The following CLASP2 variants were observed in gnomAD, a reference collection of about 807,000 sequenced individuals.
CLASP2 encodes the protein cytoplasmic linker associated protein 2.
In CLASP2, 47 loss-of-function variants were observed where a neutral mutation model predicts 194.4. The ratio of observed to expected loss-of-function variants is 0.24; its 90% confidence interval spans 0.19 to 0.31. The LOEUF (loss-of-function observed/expected upper bound fraction) is 0.31, where lower values mean the gene tolerates loss of function less well. Among genes scored for constraint, CLASP2 ranks in the 10% least tolerant of loss-of-function variants. The probability of loss-of-function intolerance (pLI) is 1.00; values close to 1 mark genes in which losing one functional copy is unlikely to be tolerated. For synonymous variants in CLASP2, 619 were observed against 633.5 expected (o/e 0.98, Z 0.34); for missense variants, 1,445 against 1,823.6 (o/e 0.79, Z 3.78).
chr3:33,603,432 G>C (rs2072850852), intron 17 of CLASP2, among the ~76,000 whole-genome samples: 1 of 152,204 alleles, frequency 6.6e-6, no homozygotes, highest in Non-Finnish European at 1.5e-5. Flanking sequence ...GTTTAGGACT[G>C]ATTTGTGCAA....
rs2045901214 is a variant in CLASP2 at position 33,497,159 on chromosome 3, G to A, written c.*1472C>T. Reference sequence around the variant, plus strand: ...CTGCTGCTAGAACAGAAAGAAAGGGGAAAGCCTATGACAAATCATCCATTC... The same window carrying A: ...CTGCTGCTAGAACAGAAAGAAAGGGAAAAGCCTATGACAAATCATCCATTC... On this transcript the variant is annotated 3_prime_UTR_variant, in exon 39 of 39. Coordinates refer to ENST00000682230, the MANE Select transcript of CLASP2 (RefSeq NM_001365631.1). 6.6e-6 allele frequency: 1 copy of A among 152,514 alleles called. No individual in the cohort carries two copies. Among genetic ancestry groups the A allele is most frequent in the Admixed American group, 6.6e-5 (1 of 15,262 alleles). 9.4% of individuals were successfully genotyped at this position (152,514 alleles called of 1,614,324 possible). A position where few individuals can be genotyped will look rare whatever the true frequency, so the allele number is the denominator to read the frequency against.
chr3:33,616,440 C>T (rs2076176002), intron 12 of CLASP2, among the ~76,000 whole-genome samples: 1 of 151,818 alleles, frequency 6.6e-6, no homozygotes, highest in Non-Finnish European at 1.5e-5. Flanking sequence ...CTTAGCCAAC[C>T]GAATCTAGCA....
At chr3:33,677,800 T>C (rs2089053779) in intron 6 of CLASP2, among the ~76,000 whole-genome samples, 1 of 150,488 alleles carries the variant, frequency 6.6e-6, no homozygotes, top group Admixed American at 6.6e-5. Flanking sequence ...ATAAAAAATT[T>C]ATCTAAAGTT....
chr3:33,545,605 C>T (rs2059034184), intron 30 of CLASP2, among the ~76,000 whole-genome samples: 1 of 152,138 alleles, frequency 6.6e-6, no homozygotes, highest in Non-Finnish European at 1.5e-5. Flanking sequence ...CTATTATACA[C>T]TGCTGAAGAA....
In CLASP2 at chr3:33,607,410, G is replaced by C; in HGVS notation, c.1500C>G (p.Asp500Glu). The change falls in exon 15 of 39, where the codon GAC becomes GAG. Residue 500 changes from aspartate to glutamate, a missense_variant. Around this residue, in one of 4 missense-constraint regions of CLASP2, gnomAD observed 207 missense variants for 331.4 expected, o/e 0.62. Transcript: ENST00000682230. The part of the protein sequence containing the change: ...ETIKKGIHDA[D>E]AEARVEARKT... ...TTCTTGCCTCCACTCTGGCCTCAGC[G>C]TCAGCATCATGAATTCCCTTTTTAA... 1 of 1,610,696 alleles carries C rather than the reference G, an allele frequency of 6.2e-7. No homozygotes were observed. The highest frequency in any genetic ancestry group is 8.5e-7 in the Non-Finnish European group (1 of 1,178,662).
At chr3:33,656,083 T>G (rs911356230) in intron 7 of CLASP2, among the ~76,000 whole-genome samples, 2 of 152,290 alleles carry the variant, frequency 1.3e-5, no homozygotes, top group African/African-American at 2.4e-5. Flanking sequence ...ATCTGACTAC[T>G]TGATTTAATA....
intron 32 of CLASP2, among the ~76,000 whole-genome samples, chr3:33,540,232 A>ATTTTT (rs11398038): frequency 8.2e-6 from 1 of 122,104 alleles, no homozygotes. Context: ...GACTGGCCAA[A>ATTTTT]TTTTTTTTTT....
intron 1 of CLASP2, among the ~76,000 whole-genome samples, chr3:33,698,977 G>A (rs1484032587): frequency 5.3e-5 from 8 of 152,146 alleles, no homozygotes; most frequent in Non-Finnish European, 1.2e-4. Context: ...AGTTAAAAGA[G>A]CCAACAACAT....
chr3:33,535,592 T>G (rs1321500262), intron 33 of CLASP2, 131 bp from the exon 34 acceptor site: 5 of 684,532 alleles, frequency 7.3e-6, no homozygotes, highest in Non-Finnish European at 1.2e-5. Context: ...CTAAAAAATT[T>G]AAGTAATGGC....
At chr3:33,700,745 G>A (rs2092319755) in intron 1 of CLASP2, among the ~76,000 whole-genome samples, 1 of 152,162 alleles carries the variant, frequency 6.6e-6, no homozygotes, top group Non-Finnish European at 1.5e-5. Flanking sequence ...AGCTACTCGG[G>A]AGGCCGAGGC....
rs973795682 is a variant in CLASP2 at position 33,717,926 on chromosome 3, T to C, written c.77A>G (p.Gln26Arg). 3.2e-6 allele frequency: 5 copies of C among 1,550,696 alleles called. No individual in the cohort carries two copies. In the South Asian group the frequency reaches 4.8e-5, roughly 15 times the overall value. Residue 26 changes from glutamine (Q) to arginine (R), a missense_variant, in exon 1 of 39, where the codon CAG becomes CGG. Physicochemically the swap from Gln to Arg is conservative, Grantham distance 43. Coordinates refer to ENST00000682230, the MANE Select transcript of CLASP2 (RefSeq NM_001365631.1). ...KDVGGRLQVGQELLLYLGAPG... is the reference protein window; with the variant it reads ...KDVGGRLQVGRELLLYLGAPG... ...GGCGCCAAGGTAGAGCAGGAGCTCC[T>C]GGCCGACCTGCAGCCGGCCGCCGAC... is the stretch of plus-strand genomic sequence containing the variant.
chr3:33,547,734 A>C (rs1375308744), intron 30 of CLASP2, among the ~76,000 whole-genome samples: 2 of 151,332 alleles, frequency 1.3e-5, no homozygotes, highest in Admixed American at 6.6e-5. Context: ...GGTGGAATTT[A>C]CCACCAGTGA....
intron 1 of CLASP2, among the ~76,000 whole-genome samples, chr3:33,713,729 G>C (rs768122757): frequency 2.6e-5 from 4 of 151,906 alleles, no homozygotes; most frequent in Non-Finnish European, 5.9e-5. Flanking sequence ...TGTTGCCCAG[G>C]CTGGAGTACA....
intron 34 of CLASP2, among the ~76,000 whole-genome samples, chr3:33,520,832 C>T (rs2052827115): frequency 1.3e-5 from 2 of 148,286 alleles, no homozygotes; most frequent in Admixed American, 1.3e-4. Context: ...CACACACACA[C>T]ACACACACAC....
At chr3:33,699,980 C>CA (rs2092258590) in intron 1 of CLASP2, among the ~76,000 whole-genome samples, 1 of 150,450 alleles carries the variant, frequency 6.6e-6, no homozygotes, top group Non-Finnish European at 1.5e-5. Flanking sequence ...AAAAGTTTTT[C>CA]AAACAAACAA....
chr3:33,685,272 G>A (rs1411932115), intron 5 of CLASP2, among the ~76,000 whole-genome samples: 1 of 148,392 alleles, frequency 6.7e-6, no homozygotes, highest in Non-Finnish European at 1.5e-5. Flanking sequence ...AACCAGGGAG[G>A]TGGAGGTTGC....
rs1055317619 is a variant in CLASP2, at chr3:33,611,678, C to T, written c.1388+323G>A. Among the ~76,000 whole-genome samples, 151 of 152,040 alleles carry T rather than the reference C, an allele frequency of 9.9e-4. 1 individual carries two copies. Among genetic ancestry groups the T allele is most frequent in the Non-Finnish European group, 1.8e-3 (125 of 67,990 alleles). On this transcript the variant is annotated intron_variant, in intron 13 of 38. Transcript: ENST00000682230. ...AAGGTTCAGAGCAGTTAAATAATTG[C>T]CTAAGGTAGAACAGTCAATGGCAGT...
intron 8 of CLASP2, among the ~76,000 whole-genome samples, chr3:33,636,277 T>A (rs970575379): frequency 2.6e-5 from 4 of 152,182 alleles, no homozygotes; most frequent in African/African-American, 9.7e-5. Flanking sequence ...CAAACCTTTT[T>A]TTCCTGGCCC....
intron 26 of CLASP2, among the ~76,000 whole-genome samples, chr3:33,567,912 T>C (rs1047812654): frequency 1.3e-5 from 2 of 152,192 alleles, no homozygotes; most frequent in African/African-American, 2.4e-5. Flanking sequence ...CAGTACAATA[T>C]GTGTTGTACT....
Sources: gnomAD v4.1 joint callset for allele counts (sites outside exome capture counted in the v4.1 genomes callset) on GRCh38, gnomAD v4.1.1 for gene constraint, gnomAD v4.1.1 regional missense constraint, MANE v1.5 for transcripts, NCBI Gene and HGNC (gene_info 2026-07-23, HGNC 2026-07-21) for gene names.